Variants in SPIDR observed in about 807,000 individuals in gnomAD.
SPIDR encodes DNA repair-scaffolding protein.
Under a neutral mutation model 104.6 loss-of-function variants are expected in SPIDR, and 93 were observed. The observed-to-expected ratio is 0.89, with a 90% CI of 0.75 to 1.06. The LOEUF (loss-of-function observed/expected upper bound fraction) is 1.06. SPIDR is among the 50% of genes least tolerant of loss of function. The pLI is 0.00. For missense variants in SPIDR, 1,154 were observed against 1,111.2 expected (o/e 1.04, Z -0.55); for synonymous variants, 431 against 416.9 (o/e 1.03, Z -0.41).
intron 5 of SPIDR, among the ~76,000 whole-genome samples, chr8:47,366,007 G>C (rs1378824184): frequency 6.6e-6 from 1 of 151,924 alleles, no homozygotes; most frequent in African/African-American, 2.4e-5. Context: ...CAAACACACA[G>C]AGTTCCTGAT....
At chr8:47,286,728 CA>C (rs1434988942) in intron 3 of SPIDR, among the ~76,000 whole-genome samples, 1 of 151,996 alleles carries the variant, frequency 6.6e-6, no homozygotes, top group Non-Finnish European at 1.5e-5. Flanking sequence ...ATAACTATTG[CA>C]AAAATAACGA....
intron 4 of SPIDR, 119 bp from the exon 5 acceptor site, chr8:47,293,748 C>T: frequency 8.6e-7 from 1 of 1,157,848 alleles, no homozygotes; most frequent in Non-Finnish European, 1.2e-6. Context: ...GTGCCTGGCC[C>T]TAAATATATT....
chr8:47,456,951 TGAGTAG>T (rs1345823439), intron 8 of SPIDR, among the ~76,000 whole-genome samples: 2 of 152,218 alleles, frequency 1.3e-5, no homozygotes, highest in Admixed American at 1.3e-4. Flanking sequence ...TTTTTATGGC[TGAGTAG>T]TATTCCATGG....
At chr8:47,327,441 G>A (rs542586460) in intron 5 of SPIDR, among the ~76,000 whole-genome samples, 33 of 147,544 alleles carry the variant, frequency 2.2e-4, no homozygotes, top group African/African-American at 7.8e-4. Flanking sequence ...TGCCCAGCTA[G>A]AGTGCACTGG....
intron 1 of SPIDR, among the ~76,000 whole-genome samples, chr8:47,275,474 A>G (rs989719939): frequency 1.2e-4 from 18 of 152,072 alleles, no homozygotes; most frequent in Non-Finnish European, 2.4e-4. Context: ...TAAGAATAAT[A>G]TTTTCCATTC....
intron 8 of SPIDR, among the ~76,000 whole-genome samples, chr8:47,486,837 G>A (rs1435415499): frequency 6.6e-6 from 1 of 152,166 alleles, no homozygotes; most frequent in East Asian, 1.9e-4. Context: ...CCCTAAAAGA[G>A]CTCCTGAAGG....
intron 5 of SPIDR, among the ~76,000 whole-genome samples, chr8:47,393,880 CTT>C (rs2060931972): frequency 1.3e-5 from 2 of 149,684 alleles, no homozygotes; most frequent in Non-Finnish European, 1.5e-5. Flanking sequence ...GTCCTTTGTC[CTT>C]TGTCCTGTCT....
intron 8 of SPIDR, among the ~76,000 whole-genome samples, chr8:47,553,021 A>G (rs1418164942): frequency 6.6e-6 from 1 of 152,102 alleles, no homozygotes. Context: ...TCATTTATGA[A>G]GCTTAGTTTG....
At chr8:47,467,208 C>T (rs782725788) in intron 8 of SPIDR, among the ~76,000 whole-genome samples, 2 of 151,926 alleles carry the variant, frequency 1.3e-5, no homozygotes, top group Admixed American at 6.6e-5. Flanking sequence ...GCTCCAAAAT[C>T]GAGTCAGTAA....
rs537346750 is a variant in SPIDR at position 47,426,292 on chromosome 8, T to C, written c.878-14031T>C. Among the ~76,000 whole-genome samples the C allele has an allele frequency of 4.6e-5, 7 of 152,132 alleles. No homozygotes were observed. The East Asian group carries it at 1.2e-3, about 25-fold the overall frequency. ...CAAAACAAAACAAAAAACCATAGAATAGAAATAGATGGTTTTCTATTCAGT... is the reference window on the plus strand; with the variant it reads ...CAAAACAAAACAAAAAACCATAGAACAGAAATAGATGGTTTTCTATTCAGT... On this transcript the variant is annotated intron_variant, in intron 7 of 19. Coordinates refer to ENST00000297423, the MANE Select transcript of SPIDR (RefSeq NM_001080394.4).
chr8:47,319,842 G>A (rs2046184258), intron 5 of SPIDR, among the ~76,000 whole-genome samples: 1 of 151,998 alleles, frequency 6.6e-6, no homozygotes, highest in Non-Finnish European at 1.5e-5. Flanking sequence ...GCTCCTGAAT[G>A]ACTACTGGGT....
At chr8:47,582,859 C>CAT (rs2059858633) in intron 8 of SPIDR, among the ~76,000 whole-genome samples, 1 of 143,882 alleles carries the variant, frequency 7.0e-6, no homozygotes, top group Non-Finnish European at 1.5e-5. Flanking sequence ...CACACACACA[C>CAT]ACACACACAC....
At chr8:47,270,236 A>G (rs971943983) in intron 1 of SPIDR, among the ~76,000 whole-genome samples, 147 of 152,300 alleles carry the variant, frequency 9.7e-4, no homozygotes, top group African/African-American at 3.4e-3. Context: ...AATGTTTGGT[A>G]TAAATCACCG....
chr8:47,462,518 G>A (rs1236337171), intron 8 of SPIDR, among the ~76,000 whole-genome samples: 1 of 152,108 alleles, frequency 6.6e-6, no homozygotes, highest in East Asian at 1.9e-4. Context: ...AGAAACTATT[G>A]AGATGAATGA....
At chr8:47,357,468 G>A (rs911787926) in intron 5 of SPIDR, among the ~76,000 whole-genome samples, 4 of 152,162 alleles carry the variant, frequency 2.6e-5, no homozygotes, top group Non-Finnish European at 5.9e-5. Flanking sequence ...ATATCTGCCC[G>A]AAGAAAAGAT....
intron 8 of SPIDR, among the ~76,000 whole-genome samples, chr8:47,504,541 C>CT (rs1371791900): frequency 1.3e-5 from 2 of 152,042 alleles, no homozygotes; most frequent in South Asian, 4.2e-4. Context: ...TTCGTCTAAT[C>CT]TTTTTTCAAG....
intron 11 of SPIDR, among the ~76,000 whole-genome samples, chr8:47,692,635 T>C (rs1173305755): frequency 2.0e-5 from 3 of 151,780 alleles, no homozygotes; most frequent in African/African-American, 7.3e-5. Context: ...GTAGCTGGGA[T>C]TACAGGTGCA....
At chr8:47,502,146 C>G (rs1322265195) in intron 8 of SPIDR, among the ~76,000 whole-genome samples, 1 of 152,194 alleles carries the variant, frequency 6.6e-6, no homozygotes, top group Non-Finnish European at 1.5e-5. Flanking sequence ...CAGGATGATG[C>G]TGGCCTCATA....
intron 5 of SPIDR, among the ~76,000 whole-genome samples, chr8:47,343,791 C>A (rs947349821): frequency 2.6e-5 from 4 of 152,000 alleles, no homozygotes; most frequent in African/African-American, 9.7e-5. Context: ...CCAGAAGTTT[C>A]TACAGTTAAT....
Sources: allele counts gnomAD v4.1 joint callset (sites outside exome capture counted in the v4.1 genomes callset), GRCh38; gene constraint gnomAD v4.1.1; transcripts MANE v1.5; gene names NCBI Gene and HGNC (gene_info 2026-07-23, HGNC 2026-07-21).